The following GBE1 variants were observed in gnomAD, a reference collection of about 807,000 sequenced individuals.
The protein encoded by GBE1 is 1,4-alpha-glucan-branching enzyme.
A neutral mutation model predicts 88.8 loss-of-function variants in GBE1; 70 were observed. The ratio of observed to expected loss-of-function variants is 0.79; its 90% CI spans 0.65 to 0.96. The LOEUF (loss-of-function observed/expected upper bound fraction) is 0.96, where lower values mean the gene tolerates loss of function less well. GBE1 is among the 40% of genes least tolerant of loss of function. The pLI, the probability that GBE1 is intolerant of heterozygous loss-of-function variation, is 0.00. For synonymous variants in GBE1, 284 were observed against 300.1 expected (o/e 0.95, Z 0.56); for missense variants, 872 against 871.0 (o/e 1.00, Z -0.01).
chr3:81,702,491 T>G (rs1705714203), intron 2 of GBE1, among the ~76,000 whole-genome samples: 6 of 152,168 alleles, frequency 3.9e-5, no homozygotes, highest in African/African-American at 1.4e-4. Context: ...ATATACTGCC[T>G]GTCCTTAACT....
chr3:81,498,252 T>C (rs1257978068), intron 15 of GBE1, among the ~76,000 whole-genome samples: 3 of 152,058 alleles, frequency 2.0e-5, no homozygotes, highest in South Asian at 2.1e-4. Flanking sequence ...GGGAAAACAG[T>C]AGAAAGATGG....
intron 1 of GBE1, among the ~76,000 whole-genome samples, chr3:81,718,521 A>G (rs1158132963): frequency 6.6e-6 from 1 of 152,164 alleles, no homozygotes; most frequent in African/African-American, 2.4e-5. Flanking sequence ...ATCTTGCTCA[A>G]GGTCACACAG....
intron 12 of GBE1, among the ~76,000 whole-genome samples, chr3:81,577,543 C>T (rs1703664876): frequency 6.6e-6 from 1 of 152,064 alleles, no homozygotes; most frequent in Non-Finnish European, 1.5e-5. Flanking sequence ...TCAAAGAAGA[C>T]CAATAATACT....
chr3:81,490,913 G>A (rs1357742213), intron 15 of GBE1, among the ~76,000 whole-genome samples: 1 of 151,462 alleles, frequency 6.6e-6, no homozygotes, highest in African/African-American at 2.4e-5. Flanking sequence ...TGTAATACAA[G>A]GAATCCTAAC....
At chr3:81,585,804 C>T (rs1703795481) in intron 10 of GBE1, among the ~76,000 whole-genome samples, 1 of 152,120 alleles carries the variant, frequency 6.6e-6, no homozygotes, top group South Asian at 2.1e-4. Context: ...ATATAGAGCA[C>T]TGAAGTTTCA....
chr3:81,515,539 A>G (rs1019198669), intron 14 of GBE1, among the ~76,000 whole-genome samples: 6 of 151,514 alleles, frequency 4.0e-5, no homozygotes, highest in Non-Finnish European at 7.4e-5. Context: ...ATTTAGCCCA[A>G]TTAATAACCC....
At position 81,749,116 on chromosome 3, in the gene GBE1, GAGAAATAAAACCTATAC is replaced by G. The variant is rs1349024281; in HGVS notation, c.143+12242_143+12258del. Among the ~76,000 whole-genome samples, 87 of 152,062 alleles carry G rather than the reference GAGAAATAAAACCTATAC, an allele frequency of 5.7e-4. 2 individuals are homozygous for G. The South Asian group carries it at 0.018, about 31-fold the overall frequency. ...CACAGCATTCTGTGCATTTATCTCAGAGAAATAAAACCTATACATAAATATTCATATCTTAGGTTTAC... is the reference window on the plus strand; with the variant it reads ...CACAGCATTCTGTGCATTTATCTCAGATAAATATTCATATCTTAGGTTTAC... On this transcript the variant is annotated intron_variant, in intron 1 of 15. Transcript: ENST00000429644.
At chr3:81,608,308 C>A (rs977583501) in intron 7 of GBE1, among the ~76,000 whole-genome samples, 5 of 152,168 alleles carry the variant, frequency 3.3e-5, no homozygotes, top group Non-Finnish European at 5.9e-5. Flanking sequence ...AGGGGAGGCA[C>A]CATCTAGTTA....
At chr3:81,703,388 G>A (rs1369116782) in intron 2 of GBE1, among the ~76,000 whole-genome samples, 3 of 151,714 alleles carry the variant, frequency 2.0e-5, no homozygotes, top group African/African-American at 4.8e-5. Context: ...AACAACTCTC[G>A]AGACACATCT....
chr3:81,687,290 G>A (rs1264937719), intron 2 of GBE1, among the ~76,000 whole-genome samples: 1 of 152,288 alleles, frequency 6.6e-6, no homozygotes, highest in East Asian at 1.9e-4. Context: ...TGGAGAGGCT[G>A]AGGGGAAAAG....
chr3:81,691,004 G>A (rs553587361), intron 2 of GBE1, among the ~76,000 whole-genome samples: 4 of 151,144 alleles, frequency 2.6e-5, no homozygotes, highest in Non-Finnish European at 5.9e-5. Context: ...TCATTTTATC[G>A]TACTTCCTGT....
At chr3:81,524,432 G>A (rs569932056) in intron 14 of GBE1, among the ~76,000 whole-genome samples, 2 of 151,652 alleles carry the variant, frequency 1.3e-5, no homozygotes, top group African/African-American at 2.4e-5. Context: ...CCCATAATGT[G>A]GATTGTCTCT....
intron 15 of GBE1, among the ~76,000 whole-genome samples, chr3:81,494,219 T>G (rs974268041): frequency 6.6e-6 from 1 of 152,180 alleles, no homozygotes; most frequent in East Asian, 1.9e-4. Flanking sequence ...TTATGGAATT[T>G]TGAGTTTTCT....
At chr3:81,561,337 T>C (rs976345227) in intron 12 of GBE1, among the ~76,000 whole-genome samples, 7 of 152,192 alleles carry the variant, frequency 4.6e-5, no homozygotes, top group South Asian at 2.1e-4. Context: ...ACCTAAAATA[T>C]GAATATGCAG....
intron 1 of GBE1, among the ~76,000 whole-genome samples, chr3:81,730,863 A>G (rs1184854470): frequency 2.0e-5 from 3 of 152,168 alleles, no homozygotes; most frequent in African/African-American, 4.8e-5. Flanking sequence ...ATATGTTTAT[A>G]TGACTTAAGC....
chr3:81,551,416 C>A (rs774155073), intron 12 of GBE1, among the ~76,000 whole-genome samples: 2 of 152,074 alleles, frequency 1.3e-5, no homozygotes, highest in Non-Finnish European at 2.9e-5. Context: ...GAAAACAAAT[C>A]CTGGGGCCCC....
rs775592244 is a variant in GBE1 at position 81,604,286 on chromosome 3, C to CT, written c.993-10264dup. On this transcript the variant is annotated intron_variant, in intron 7 of 15. Transcript: ENST00000429644. The stretch of plus-strand genomic sequence containing the variant: ...ATATTAACTTTTCTTTTCTTTCTTT[C>CT]TTTTTTTTTTTTTTTTTTTGAGAAA... 4.1e-3 allele frequency among the ~76,000 whole-genome samples: 223 copies of CT among 54,902 alleles called. 2 individuals carry two copies. Among genetic ancestry groups the CT allele is most frequent in the South Asian group, 0.013 (29 of 2,282 alleles). 36.0% of individuals were successfully genotyped at this position (54,902 alleles called of 152,430 possible). A position where few individuals can be genotyped will look rare whatever the true frequency, so the allele number is the denominator to read the frequency against.
intron 14 of GBE1, among the ~76,000 whole-genome samples, chr3:81,500,737 T>C (rs1028963766): frequency 1.3e-5 from 2 of 152,240 alleles, no homozygotes; most frequent in African/African-American, 4.8e-5. Context: ...GGAATCTATA[T>C]ATGCATTAGG....
In GBE1 at chr3:81,640,787, T is replaced by C. The variant is rs997567040; in HGVS notation, c.992+1994A>G. 2.6e-5 allele frequency among the ~76,000 whole-genome samples: 4 copies of C among 151,792 alleles called. No homozygotes were observed. The South Asian group carries it at 6.3e-4, about 24-fold the overall frequency. On this transcript the variant is annotated intron_variant, in intron 7 of 15. Coordinates refer to ENST00000429644, the MANE Select transcript of GBE1 (RefSeq NM_000158.4). ...ATACAAATGCAATTTAATAAAACTA[T>C]ATTTACAGAGGACTAAGTCTATATG... is the stretch of plus-strand genomic sequence containing the variant.
Sources: gnomAD v4.1 joint callset for allele counts (sites outside exome capture counted in the v4.1 genomes callset) on GRCh38, gnomAD v4.1.1 for gene constraint, MANE v1.5 for transcripts, NCBI Gene and HGNC (gene_info 2026-07-23, HGNC 2026-07-21) for gene names.